MAS1: variants seen among roughly 807,000 people sequenced by gnomAD.
MAS1 encodes the protein proto-oncogene Mas.
For missense variants in MAS1, 387 were observed against 409.7 expected, an observed-to-expected ratio of 0.94 and a Z score of 0.48; for synonymous variants, 163 against 164.2, an observed-to-expected ratio of 0.99 and a Z score of 0.05.
At position 159,913,951 on chromosome 6, in the gene MAS1, T is replaced by G. The variant is rs759823816; in HGVS notation, c.*6018T>G. On this transcript the variant is annotated 3_prime_UTR_variant, in exon 3 of 3. Coordinates refer to ENST00000674077, the MANE Select transcript of MAS1 (RefSeq NM_002377.4). Reference sequence around the variant, plus strand: ...TATTTAAATGTGTACATATACATGTTAATACAAAGGGTTGAATTGTTAAAG... The same window carrying G: ...TATTTAAATGTGTACATATACATGTGAATACAAAGGGTTGAATTGTTAAAG... 3.3e-5 allele frequency: 5 copies of G among 152,244 alleles called. No individual in the cohort carries two copies. Among genetic ancestry groups the G allele is most frequent in the Admixed American group, 6.5e-5 (1 of 15,290 alleles). 9.4% of individuals were successfully genotyped at this position (152,244 alleles called of 1,614,324 possible).
chr6:159,908,898 G>A lies in MAS1; in HGVS notation c.*965G>A, dbSNP rs776042589. 19 of 151,934 alleles carry A rather than the reference G, an allele frequency of 1.3e-4. No homozygotes were observed. The highest frequency in any genetic ancestry group is 5.2e-4 in the Admixed American group (8 of 15,250). 9.4% of individuals were successfully genotyped at this position (151,934 alleles called of 1,614,324 possible). Reference sequence around the variant, plus strand: ...TGGGACCTTCCTCCCCCATGAAGAGGTGGGTTATTTGTAGCCAGAGTTCTC... The same window carrying A: ...TGGGACCTTCCTCCCCCATGAAGAGATGGGTTATTTGTAGCCAGAGTTCTC... On this transcript the variant is annotated 3_prime_UTR_variant, in exon 3 of 3. Transcript: ENST00000674077.
intron 1 of MAS1, among the ~76,000 whole-genome samples, 63 bp downstream of exon 1, chr6:159,891,196 C>T (rs1782695754): frequency 6.6e-6 from 1 of 152,226 alleles, no homozygotes; most frequent in South Asian, 2.1e-4. Context: ...AAGATTTTCT[C>T]TCTTTAAAAA....
chr6:159,895,698 T>C (rs1782747595), intron 1 of MAS1, among the ~76,000 whole-genome samples: 2 of 152,200 alleles, frequency 1.3e-5, no homozygotes, highest in African/African-American at 2.4e-5. Flanking sequence ...AATTTGGGAA[T>C]TTAAGAAACT....
chr6:159,902,930 T>G (rs1782839190), intron 2 of MAS1, among the ~76,000 whole-genome samples: 1 of 152,166 alleles, frequency 6.6e-6, no homozygotes, highest in Non-Finnish European at 1.5e-5. Context: ...GGATAATTCT[T>G]CCAGCCCTGT....
rs1470887261 is a variant in MAS1 at position 159,913,046 on chromosome 6, A to G, written c.*5113A>G. The G allele has an allele frequency of 6.6e-6, 1 of 152,212 alleles. No individual in the cohort carries two copies. The highest frequency in any genetic ancestry group is 1.5e-5 in the Non-Finnish European group (1 of 68,046). The allele number at this position is 152,212 out of a possible 1,614,324, so 9.4% of individuals were successfully genotyped here. ...AAAAATTACCCACTTTTTGATGTTC[A>G]GCAAAAGTAACCATTAAGTAAAGAC... On this transcript the variant is annotated 3_prime_UTR_variant, in exon 3 of 3. Transcript: ENST00000674077.
At position 159,895,939 on chromosome 6, in the gene MAS1, C is replaced by T. The variant is rs116234074; in HGVS notation, c.-243-3247C>T. On this transcript the variant is annotated intron_variant, in intron 1 of 2. Coordinates refer to ENST00000674077, the MANE Select transcript of MAS1 (RefSeq NM_002377.4). ...AATTTGCATCCATATGAATTCATTACGGTGCTTTGTTTTTAAAAATAGCGG... is the reference window on the plus strand; with the variant it reads ...AATTTGCATCCATATGAATTCATTATGGTGCTTTGTTTTTAAAAATAGCGG... Among the ~76,000 whole-genome samples, 474 of 152,268 alleles carry T rather than the reference C, an allele frequency of 3.1e-3. 3 individuals carry two copies. Among genetic ancestry groups the T allele is most frequent in the African/African-American group, 8.7e-3 (362 of 41,538 alleles).
chr6:159,908,002 G>A lies in MAS1; in HGVS notation c.*69G>A, dbSNP rs965139577. On this transcript the variant is annotated 3_prime_UTR_variant, in exon 3 of 3. Transcript: ENST00000674077. ...CATTTTTAGTTTGTGCTTGGAATAT[G>A]ACTTAAGTATCTCCTAAATGTGATA... 8.7e-6 allele frequency: 13 copies of A among 1,486,728 alleles called. No individual in the cohort carries two copies. Among genetic ancestry groups the A allele is most frequent in the Non-Finnish European group, 9.0e-6 (10 of 1,106,760 alleles). 92.1% of individuals were successfully genotyped at this position (1,486,728 alleles called of 1,614,324 possible). A position where few individuals can be genotyped will look rare whatever the true frequency, so the allele number is the denominator to read the frequency against.
Position 159,910,123 on chromosome 6 carries a change from G to A in MAS1, c.*2190G>A, listed in dbSNP as rs946853969. 1 of 152,202 alleles carries A rather than the reference G, an allele frequency of 6.6e-6. No homozygotes were observed. The highest frequency in any genetic ancestry group is 1.5e-5 in the Non-Finnish European group (1 of 68,036). 9.4% of individuals were successfully genotyped at this position (152,202 alleles called of 1,614,324 possible). On this transcript the variant is annotated 3_prime_UTR_variant, in exon 3 of 3. Transcript: ENST00000674077. ...AGACAATTTGCCTAAGTCATTGTAGGTTACTAGGTGCCACTTCCGAGAATT... is the reference window on the plus strand; with the variant it reads ...AGACAATTTGCCTAAGTCATTGTAGATTACTAGGTGCCACTTCCGAGAATT...
At chr6:159,890,904 A>T (rs559945414), upstream of MAS1, among the ~76,000 whole-genome samples, 1 of 152,334 alleles carries the variant, frequency 6.6e-6, no homozygotes, top group South Asian at 2.1e-4. Flanking sequence ...TCACTGAATG[A>T]TGCCATTGGA....
At chr6:159,904,309 C>T (rs1464489135) in intron 2 of MAS1, among the ~76,000 whole-genome samples, 1 of 152,182 alleles carries the variant, frequency 6.6e-6, no homozygotes, top group Non-Finnish European at 1.5e-5. Flanking sequence ...ACAACACCCA[C>T]ATTTATATAC....
At chr6:159,903,409 A>G (rs751527657) in intron 2 of MAS1, among the ~76,000 whole-genome samples, 2 of 152,190 alleles carry the variant, frequency 1.3e-5, no homozygotes, top group African/African-American at 2.4e-5. Context: ...GGTGAGGCTG[A>G]GTAGTCTCTC....
intron 2 of MAS1, chr6:159,902,027 T>C (rs1054676499): frequency 6.6e-6 from 1 of 151,748 alleles, no homozygotes; most frequent in African/African-American, 2.4e-5. Context: ...AATGGGTCAG[T>C]AGTAAAAATA....
At chr6:159,889,634 C>G (rs1782675682), upstream of MAS1, among the ~76,000 whole-genome samples, 1 of 152,150 alleles carries the variant, frequency 6.6e-6, no homozygotes, top group Non-Finnish European at 1.5e-5. Context: ...TTTTTAGTTT[C>G]TGACCATCCT....
At chr6:159,901,887 A>G (rs1782826389) in intron 2 of MAS1, among the ~76,000 whole-genome samples, 1 of 152,042 alleles carries the variant, frequency 6.6e-6, no homozygotes, top group African/African-American at 2.4e-5. Context: ...AAGAAGATGC[A>G]ATTTGAAACA....
intron 1 of MAS1, among the ~76,000 whole-genome samples, chr6:159,896,670 T>C (rs1452611810): frequency 6.6e-6 from 1 of 152,206 alleles, no homozygotes; most frequent in Non-Finnish European, 1.5e-5. Context: ...AAAGAGGCTA[T>C]AAAATGAGCC....
At chr6:159,901,869 A>AG (rs1486265086) in intron 2 of MAS1, among the ~76,000 whole-genome samples, 1 of 149,982 alleles carries the variant, frequency 6.7e-6, no homozygotes, top group African/African-American at 2.4e-5. Context: ...AAAAAAAAAA[A>AG]TTAATGAAAG....
Position 159,912,367 on chromosome 6 carries a change from A to G in MAS1, c.*4434A>G, listed in dbSNP as rs1309383166. On this transcript the variant is annotated 3_prime_UTR_variant, in exon 3 of 3. Coordinates refer to ENST00000674077, the MANE Select transcript of MAS1 (RefSeq NM_002377.4). ...CTTAAATTAGGAATCACTTCTGGAA[A>G]GGAAAACACATCAAGCCATACATAC... 1 of 152,206 alleles carries G rather than the reference A, an allele frequency of 6.6e-6. No individual in the cohort carries two copies. Among genetic ancestry groups the G allele is most frequent in the Admixed American group, 6.5e-5 (1 of 15,272 alleles). 9.4% of individuals were successfully genotyped at this position (152,206 alleles called of 1,614,324 possible).
chr6:159,890,506 T>C (rs1583208935), upstream of MAS1, among the ~76,000 whole-genome samples: 1 of 152,216 alleles, frequency 6.6e-6, no homozygotes, highest in South Asian at 2.1e-4. Flanking sequence ...CTGAGCATGA[T>C]ACTCTCCGAA....
chr6:159,911,659 G>A lies in MAS1; in HGVS notation c.*3726G>A, dbSNP rs937736427. 1.3e-5 allele frequency: 2 copies of A among 152,110 alleles called. No homozygotes were observed. Among genetic ancestry groups the A allele is most frequent in the African/African-American group, 2.4e-5 (1 of 41,406 alleles). 9.4% of individuals were successfully genotyped at this position (152,110 alleles called of 1,614,324 possible). A position where few individuals can be genotyped will look rare whatever the true frequency, so the allele number is the denominator to read the frequency against. On this transcript the variant is annotated 3_prime_UTR_variant, in exon 3 of 3. Coordinates refer to ENST00000674077, the MANE Select transcript of MAS1 (RefSeq NM_002377.4). ...CATTAGAGACTCAGGAGAGCCTCTG[G>A]AAGCTGAGTTCCTGGATAACCGTGC...
Sources: gnomAD v4.1 joint callset for allele counts (sites outside exome capture counted in the v4.1 genomes callset) on GRCh38, gnomAD v4.1.1 for gene constraint, MANE v1.5 for transcripts, NCBI Gene and HGNC (gene_info 2026-07-23, HGNC 2026-07-21) for gene names.